Variants in TNIK observed in about 807,000 individuals in gnomAD.
The protein encoded by TNIK is TRAF2 and NCK interacting kinase.
TNIK carries 49 observed loss-of-function variants against 191.3 expected under a neutral mutation model. That is an observed-to-expected ratio of 0.26 (90% CI 0.20 to 0.32). The LOEUF (loss-of-function observed/expected upper bound fraction) is 0.32, where lower values mean the gene tolerates loss of function less well. TNIK is among the 10% of genes least tolerant of loss of function. The probability of loss-of-function intolerance (pLI) is 1.00; values close to 1 mark genes in which losing one functional copy is unlikely to be tolerated. For synonymous variants in TNIK, 594 were observed against 600.9 expected (o/e 0.99, Z 0.17); for missense variants, 1,155 against 1,702.3 (o/e 0.68, Z 5.66).
intron 2 of TNIK, among the ~76,000 whole-genome samples, chr3:171,346,436 C>T (rs575330610): frequency 6.6e-6 from 1 of 152,252 alleles, no homozygotes; most frequent in South Asian, 2.1e-4. Flanking sequence ...GTCATCCTTG[C>T]ACTGCACTCT....
At chr3:171,427,690 C>T (rs926672827) in intron 1 of TNIK, among the ~76,000 whole-genome samples, 11 of 152,142 alleles carry the variant, frequency 7.2e-5, no homozygotes, top group African/African-American at 1.9e-4. Context: ...TTCTAAAAGG[C>T]GTTTTAGCCA....
chr3:171,184,781 G>A (rs1386303701), intron 7 of TNIK, among the ~76,000 whole-genome samples: 1 of 152,156 alleles, frequency 6.6e-6, no homozygotes, highest in Non-Finnish European at 1.5e-5. Context: ...CACCCTGCCT[G>A]AATAATGCCA....
chr3:171,162,551 G>C (rs1734139531), intron 10 of TNIK, among the ~76,000 whole-genome samples: 1 of 152,180 alleles, frequency 6.6e-6, no homozygotes, highest in Admixed American at 6.5e-5. Context: ...ATAAGATTGA[G>C]GCTTGCTTTG....
chr3:171,064,171 A>C, intron 32 of TNIK: 1 of 521,156 alleles, frequency 1.9e-6, no homozygotes, highest in African/African-American at 2.0e-5. Context: ...ATTATTCCTT[A>C]TTGTGGTATT....
At chr3:171,422,842 T>A (rs1724009409) in intron 1 of TNIK, among the ~76,000 whole-genome samples, 1 of 152,232 alleles carries the variant, frequency 6.6e-6, no homozygotes, top group Non-Finnish European at 1.5e-5. Context: ...CTTTGAACAA[T>A]GGATATCTTC....
chr3:171,414,822 A>G (rs970474566), intron 1 of TNIK, among the ~76,000 whole-genome samples: 1 of 152,266 alleles, frequency 6.6e-6, no homozygotes. Flanking sequence ...GTCAAATGGT[A>G]TTTAATGCAG....
chr3:171,129,014 T>C, intron 15 of TNIK, 136 bp from the exon 16 acceptor site: 1 of 1,341,876 alleles, frequency 7.5e-7, no homozygotes, highest in Non-Finnish European at 9.8e-7. Flanking sequence ...AAGACAAAAC[T>C]CTGTGCTGCA....
chr3:171,203,645 T>C (rs1739694566), intron 4 of TNIK, among the ~76,000 whole-genome samples: 1 of 152,236 alleles, frequency 6.6e-6, no homozygotes, highest in South Asian at 2.1e-4. Context: ...AACATATTTA[T>C]CATGGCAGCA....
chr3:171,244,039 T>C (rs1338202682), intron 2 of TNIK, among the ~76,000 whole-genome samples: 1 of 149,360 alleles, frequency 6.7e-6, no homozygotes, highest in Non-Finnish European at 1.5e-5. Context: ...TGCAATTTTG[T>C]TTTTTTTAGA....
chr3:171,108,827 C>T (rs1725383586), intron 19 of TNIK, among the ~76,000 whole-genome samples: 1 of 152,084 alleles, frequency 6.6e-6, no homozygotes, highest in East Asian at 1.9e-4. Context: ...AGGAGAAGGG[C>T]CCTAGGCTGG....
chr3:171,351,271 A>ATGTGTG (rs1335605618), intron 2 of TNIK, among the ~76,000 whole-genome samples: 3 of 150,250 alleles, frequency 2.0e-5, no homozygotes, highest in African/African-American at 7.4e-5. Flanking sequence ...ATATGTATAT[A>ATGTGTG]TGTGTGTGTG....
chr3:171,197,541 T>A (rs1238851021), intron 4 of TNIK, among the ~76,000 whole-genome samples: 1 of 152,098 alleles, frequency 6.6e-6, no homozygotes, highest in Non-Finnish European at 1.5e-5. Context: ...TATAAAGAAC[T>A]CTTACAACTC....
At chr3:171,373,538 C>T (rs112190531) in intron 1 of TNIK, among the ~76,000 whole-genome samples, 3 of 152,112 alleles carry the variant, frequency 2.0e-5, no homozygotes, top group Non-Finnish European at 4.4e-5. Context: ...TTAGTTAATT[C>T]TTTCTTCCTT....
intron 2 of TNIK, among the ~76,000 whole-genome samples, chr3:171,278,509 A>G (rs1750043808): frequency 6.6e-6 from 1 of 152,160 alleles, no homozygotes; most frequent in Non-Finnish European, 1.5e-5. Flanking sequence ...TAAAAACATA[A>G]AGAAACCAAA....
chr3:171,291,462 A>G (rs920668050), intron 2 of TNIK, among the ~76,000 whole-genome samples: 13 of 152,130 alleles, frequency 8.5e-5, no homozygotes, highest in Admixed American at 5.9e-4. Context: ...TTTATTTAAA[A>G]ATATTTTTGC....
chr3:171,146,481 G>C (rs948244778), intron 12 of TNIK, among the ~76,000 whole-genome samples: 27 of 152,164 alleles, frequency 1.8e-4, no homozygotes, highest in African/African-American at 6.5e-4. Flanking sequence ...TTGGGATAGA[G>C]GGGTAGGCAA....
intron 1 of TNIK, among the ~76,000 whole-genome samples, chr3:171,447,484 A>G (rs13314339): frequency 0.2 from 29,899 of 152,174 alleles, 4,811 homozygotes; most frequent in African/African-American, 0.45. Context: ...TACAACAGAT[A>G]ATTCTGATGT....
chr3:171,265,903 T>C (rs1036442496), intron 2 of TNIK, among the ~76,000 whole-genome samples: 2 of 152,210 alleles, frequency 1.3e-5, no homozygotes, highest in Admixed American at 1.3e-4. Flanking sequence ...CAAATAAGAA[T>C]CTGCAGTTGG....
At chr3:171,171,307 C>T (rs761584911) in intron 9 of TNIK, among the ~76,000 whole-genome samples, 3 of 152,168 alleles carry the variant, frequency 2.0e-5, no homozygotes, top group South Asian at 2.1e-4. Context: ...TACACACACA[C>T]GAACTTTGTC....
Sources: gnomAD v4.1 joint callset for allele counts (sites outside exome capture counted in the v4.1 genomes callset) on GRCh38, gnomAD v4.1.1 for gene constraint, MANE v1.5 for transcripts, NCBI Gene and HGNC (gene_info 2026-07-23, HGNC 2026-07-21) for gene names.